Variants in SSBP2 observed in about 807,000 individuals in gnomAD.
SSBP2 encodes single stranded DNA binding protein 2.
SSBP2 carries 17 observed loss-of-function variants against 61.8 expected under a neutral mutation model. That is an observed-to-expected ratio of 0.28 (90% CI 0.19 to 0.41). SSBP2 has a LOEUF of 0.41. SSBP2 is among the 10% of genes least tolerant of loss of function. The pLI, the probability that SSBP2 is intolerant of heterozygous loss-of-function variation, is 1.00. For missense variants in SSBP2, 310 were observed against 458.7 expected (o/e 0.68, Z 2.96); for synonymous variants, 139 against 141.3 (o/e 0.98, Z 0.12).
intron 1 of SSBP2, among the ~76,000 whole-genome samples, chr5:81,663,230 C>T (rs891396215): frequency 5.3e-5 from 8 of 152,152 alleles, no homozygotes; most frequent in African/African-American, 1.7e-4. Context: ...AAGGTAAATA[C>T]TGCCTTTTAA....
At chr5:81,696,804 G>C (rs779440731) in intron 1 of SSBP2, among the ~76,000 whole-genome samples, 21 of 152,164 alleles carry the variant, frequency 1.4e-4, no homozygotes, top group Non-Finnish European at 2.6e-4. Context: ...TAAGAAACAC[G>C]AAGTATGAGG....
chr5:81,621,520 A>AG (rs1276924765), intron 3 of SSBP2, among the ~76,000 whole-genome samples: 1 of 23,524 alleles, frequency 4.3e-5, no homozygotes, highest in African/African-American at 2.5e-4. Context: ...ACTGTAAACT[A>AG]GTTCAACCAT....
rs77942214 is a variant in SSBP2, at chr5:81,545,593, G to A, written c.283-31876C>T. ...AGTATACACAACAACTGAGATTCAT[G>A]GAATTCATATATACTTGTTGATTAC... On this transcript the variant is annotated intron_variant, in intron 4 of 16. Transcript: ENST00000320672. Among the ~76,000 whole-genome samples the A allele has an allele frequency of 9.9e-3, 1,504 of 152,178 alleles. 23 individuals carry two copies. The highest frequency in any genetic ancestry group is 0.035 in the African/African-American group (1,434 of 41,512).
At chr5:81,585,336 A>G (rs920379907) in intron 4 of SSBP2, among the ~76,000 whole-genome samples, 4 of 152,072 alleles carry the variant, frequency 2.6e-5, no homozygotes, top group Admixed American at 2.6e-4. Flanking sequence ...AATTCAATCT[A>G]TTCTCATTTC....
chr5:81,595,557 A>G (rs1311069745), intron 4 of SSBP2, among the ~76,000 whole-genome samples: 2 of 152,210 alleles, frequency 1.3e-5, no homozygotes, highest in Non-Finnish European at 2.9e-5. Flanking sequence ...ATTTTAGACC[A>G]ATATCCTTGA....
rs181033396 is a variant in SSBP2, at chr5:81,539,423, A to G, written c.283-25706T>C. Among the ~76,000 whole-genome samples the G allele has an allele frequency of 2.1e-3, 325 of 152,362 alleles. 2 individuals are homozygous for G. Among genetic ancestry groups the G allele is most frequent in the African/African-American group, 7.5e-3 (313 of 41,588 alleles). On this transcript the variant is annotated intron_variant, in intron 4 of 16. Coordinates refer to ENST00000320672, the MANE Select transcript of SSBP2 (RefSeq NM_012446.5). The stretch of plus-strand genomic sequence containing the variant: ...TGAACACTGCTGAAACGATTACAAA[A>G]GATTTAGAATATTACATAAACTGAG...
At chr5:81,517,931 G>A (rs1769162974) in intron 4 of SSBP2, among the ~76,000 whole-genome samples, 1 of 151,994 alleles carries the variant, frequency 6.6e-6, no homozygotes, top group African/African-American at 2.4e-5. Context: ...CTGTATGAAA[G>A]TTTCAAAGCA....
At chr5:81,749,360 T>C (rs1757562893) in intron 1 of SSBP2, among the ~76,000 whole-genome samples, 1 of 152,186 alleles carries the variant, frequency 6.6e-6, no homozygotes, top group South Asian at 2.1e-4. Context: ...CTAAATCCTA[T>C]GGGAATTGAG....
chr5:81,629,168 G>A (rs541639081), intron 3 of SSBP2, among the ~76,000 whole-genome samples: 1 of 152,192 alleles, frequency 6.6e-6, no homozygotes, highest in East Asian at 1.9e-4. Context: ...TGCATTCTTA[G>A]TAGATGGGGT....
At chr5:81,726,828 A>G (rs1171684076) in intron 1 of SSBP2, among the ~76,000 whole-genome samples, 2 of 152,206 alleles carry the variant, frequency 1.3e-5, no homozygotes, top group African/African-American at 2.4e-5. Flanking sequence ...TACACGGTCC[A>G]GTATGCAGAA....
chr5:81,417,549 G>C lies in SSBP2; in HGVS notation c.*2955C>G, dbSNP rs1261877078. On this transcript the variant is annotated 3_prime_UTR_variant, in exon 17 of 17. Transcript: ENST00000320672. ...GTAAAAATAACACTAGGAACAGGTAGTATACATCAAGACCAACACGAATGC... is the reference window on the plus strand; with the variant it reads ...GTAAAAATAACACTAGGAACAGGTACTATACATCAAGACCAACACGAATGC... 1 of 152,058 alleles carries C rather than the reference G, an allele frequency of 6.6e-6. No individual in the cohort carries two copies. Among genetic ancestry groups the C allele is most frequent in the Non-Finnish European group, 1.5e-5 (1 of 68,006 alleles). 9.4% of individuals were successfully genotyped at this position (152,058 alleles called of 1,614,324 possible). A position where few individuals can be genotyped will look rare whatever the true frequency, so the allele number is the denominator to read the frequency against.
At chr5:81,427,901 T>C (rs1024620986) in intron 16 of SSBP2, among the ~76,000 whole-genome samples, 1 of 152,186 alleles carries the variant, frequency 6.6e-6, no homozygotes, top group African/African-American at 2.4e-5. Context: ...CATTGGGGTT[T>C]CTAATGTGAA....
intron 16 of SSBP2, among the ~76,000 whole-genome samples, chr5:81,422,349 G>A (rs1761666826): frequency 6.6e-6 from 1 of 152,154 alleles, no homozygotes; most frequent in Non-Finnish European, 1.5e-5. Context: ...CCCCAGGGAA[G>A]AGCACAGAGG....
intron 4 of SSBP2, among the ~76,000 whole-genome samples, chr5:81,614,453 A>G (rs1295060296): frequency 1.3e-5 from 2 of 150,362 alleles, no homozygotes; most frequent in Non-Finnish European, 3.0e-5. Context: ...TCCTCATGCT[A>G]TTTTGGAGGG....
chr5:81,538,287 C>T (rs1041706126), intron 4 of SSBP2, among the ~76,000 whole-genome samples: 1 of 152,120 alleles, frequency 6.6e-6, no homozygotes, highest in Non-Finnish European at 1.5e-5. Flanking sequence ...AAGCCAAAGC[C>T]GAATACAGAG....
chr5:81,751,350 TCC>T (rs1475336092), upstream of SSBP2: 1 of 398,394 alleles, frequency 2.5e-6, no homozygotes, highest in African/African-American at 2.9e-5. Context: ...TCCTTCCCCC[TCC>T]CCCCTCCGAA....
intron 4 of SSBP2, among the ~76,000 whole-genome samples, chr5:81,519,102 T>C (rs1469856990): frequency 1.3e-4 from 20 of 152,146 alleles, no homozygotes; most frequent in Admixed American, 1.3e-3. Context: ...ATCAGGATTA[T>C]TCTACCTTTT....
chr5:81,747,353 C>G (rs1757422507), intron 1 of SSBP2, among the ~76,000 whole-genome samples: 2 of 151,920 alleles, frequency 1.3e-5, no homozygotes, highest in Non-Finnish European at 2.9e-5. Context: ...TTGTATCCCT[C>G]GGTGAGTTCT....
In SSBP2 at chr5:81,413,411, AT is replaced by A. The variant is rs1761206483; in HGVS notation, c.*7092del. On this transcript the variant is annotated 3_prime_UTR_variant, in exon 17 of 17. Transcript: ENST00000320672. ...TTACTAAGAGTCATCCCAGATTCCA[AT>A]TATATTTATACATAAATTGTGCATT... is the stretch of plus-strand genomic sequence containing the variant. 6.6e-6 allele frequency: 1 copy of A among 152,228 alleles called. No homozygotes were observed. Among genetic ancestry groups the A allele is most frequent in the Non-Finnish European group, 1.5e-5 (1 of 68,030 alleles). 9.4% of individuals were successfully genotyped at this position (152,228 alleles called of 1,614,324 possible).
Sources: gnomAD v4.1 joint callset for allele counts (sites outside exome capture counted in the v4.1 genomes callset) on GRCh38, gnomAD v4.1.1 for gene constraint, MANE v1.5 for transcripts, NCBI Gene and HGNC (gene_info 2026-07-23, HGNC 2026-07-21) for gene names.